The following RANBP17 variants were observed in gnomAD, a reference collection of about 807,000 sequenced individuals.
RANBP17 encodes the protein ran-binding protein 17.
A neutral mutation model predicts 141.2 loss-of-function variants in RANBP17; 158 were observed. That is an observed-to-expected ratio of 1.12 (90% confidence interval 0.98 to 1.28). The LOEUF is 1.28. Among genes scored for constraint, RANBP17 ranks in the 50% most tolerant of loss-of-function variants. The pLI, the probability that RANBP17 is intolerant of heterozygous loss-of-function variation, is 0.00. For synonymous variants in RANBP17, 430 were observed against 450.0 expected (o/e 0.96, Z 0.56); for missense variants, 1,438 against 1,290.7 (o/e 1.11, Z -1.75).
intron 14 of RANBP17, among the ~76,000 whole-genome samples, chr5:171,107,029 T>TTTGTTGTTG (rs5873254): frequency 2.0e-5 from 3 of 151,206 alleles, no homozygotes; most frequent in African/African-American, 4.9e-5. Flanking sequence ...CTTTTGTTTG[T>TTTGTTGTTG]TTGTTGTTGT....
At chr5:171,040,067 C>CA (rs577589000) in intron 14 of RANBP17, among the ~76,000 whole-genome samples, 8 of 151,256 alleles carry the variant, frequency 5.3e-5, no homozygotes, top group African/African-American at 1.9e-4. Flanking sequence ...AAGGACACGA[C>CA]AAAAAAAACT....
intron 14 of RANBP17, among the ~76,000 whole-genome samples, chr5:171,124,133 G>A (rs1032849556): frequency 1.3e-5 from 2 of 151,944 alleles, no homozygotes; most frequent in Non-Finnish European, 2.9e-5. Flanking sequence ...AACAATTCAT[G>A]ATCTCAATGA....
At chr5:171,098,539 C>T (rs901208264) in intron 14 of RANBP17, among the ~76,000 whole-genome samples, 1 of 151,862 alleles carries the variant, frequency 6.6e-6, no homozygotes, top group Non-Finnish European at 1.5e-5. Context: ...GGATATTAGC[C>T]CTTTGTCAGA....
chr5:171,258,118 TACACACAC>T lies in RANBP17; in HGVS notation c.2777-7528_2777-7521del, dbSNP rs34304503. ...CAAAACTCCATCTAAAAAAAAAAAA[TACACACAC>T]ACACACACACACACACACACACACA... On this transcript the variant is annotated intron_variant, in intron 24 of 27. Transcript: ENST00000523189. Among the ~76,000 whole-genome samples, 1,014 of 128,272 alleles carry T rather than the reference TACACACAC, an allele frequency of 7.9e-3. 11 individuals are homozygous for T. Among genetic ancestry groups the T allele is most frequent in the East Asian group, 0.023 (105 of 4,528 alleles). 84.2% of individuals were successfully genotyped at this position (128,272 alleles called of 152,430 possible).
At chr5:170,968,214 G>GT (rs762211654) in intron 13 of RANBP17, 28 bp from the exon 14 acceptor site, 12,058 of 1,302,816 alleles carry the variant, frequency 9.3e-3, no homozygotes, top group South Asian at 0.016. Context: ...TGTACTGAAG[G>GT]TTTTTTTTTT....
At chr5:171,258,987 C>T (rs1766108200) in intron 24 of RANBP17, among the ~76,000 whole-genome samples, 1 of 152,066 alleles carries the variant, frequency 6.6e-6, no homozygotes, top group African/African-American at 2.4e-5. Context: ...TAACAGGAGA[C>T]CAATATCCAG....
chr5:171,054,789 C>T (rs544191321), intron 14 of RANBP17, among the ~76,000 whole-genome samples: 2 of 152,138 alleles, frequency 1.3e-5, no homozygotes, highest in Non-Finnish European at 2.9e-5. Context: ...TTTCCCCCCT[C>T]CCTTTTACAA....
At chr5:171,013,083 G>T (rs1308256308) in intron 14 of RANBP17, among the ~76,000 whole-genome samples, 1 of 152,166 alleles carries the variant, frequency 6.6e-6, no homozygotes, top group Non-Finnish European at 1.5e-5. Flanking sequence ...GAGTGTATGT[G>T]TACGTTCAGC....
chr5:170,926,712 T>A (rs564420946), intron 12 of RANBP17, among the ~76,000 whole-genome samples: 4,392 of 123,528 alleles, frequency 0.036, 209 homozygotes, highest in African/African-American at 0.11. Flanking sequence ...ATTAAAAAAC[T>A]TAAAATGTGT....
intron 19 of RANBP17, among the ~76,000 whole-genome samples, chr5:171,204,314 A>G (rs1762456028): frequency 6.6e-6 from 1 of 152,202 alleles, no homozygotes; most frequent in African/African-American, 2.4e-5. Flanking sequence ...AATGGAGAAG[A>G]TGAGAAATTC....
intron 14 of RANBP17, among the ~76,000 whole-genome samples, chr5:171,110,085 A>T (rs1225787612): frequency 6.6e-6 from 1 of 151,840 alleles, no homozygotes; most frequent in African/African-American, 2.4e-5. Flanking sequence ...ATATTTTATC[A>T]TATAAAATTT....
intron 24 of RANBP17, among the ~76,000 whole-genome samples, chr5:171,259,612 A>T (rs1766147073): frequency 6.6e-6 from 1 of 152,236 alleles, no homozygotes; most frequent in Non-Finnish European, 1.5e-5. Context: ...CAGGCAAAGA[A>T]AGACAGATAC....
chr5:171,295,080 G>T (rs1018212058), intron 26 of RANBP17, among the ~76,000 whole-genome samples: 2 of 152,090 alleles, frequency 1.3e-5, no homozygotes, highest in Non-Finnish European at 1.5e-5. Context: ...TGTGTTTTTT[G>T]ATGTAAGCTG....
At chr5:171,178,901 C>T (rs538248112) in intron 16 of RANBP17, among the ~76,000 whole-genome samples, 5 of 151,870 alleles carry the variant, frequency 3.3e-5, no homozygotes, top group Non-Finnish European at 7.4e-5. Flanking sequence ...GTTTAAGTTC[C>T]TTGTAGATTC....
At chr5:171,112,851 TA>T (rs376681405) in intron 14 of RANBP17, among the ~76,000 whole-genome samples, 13 of 151,934 alleles carry the variant, frequency 8.6e-5, no homozygotes, top group African/African-American at 3.1e-4. Context: ...CAAAGCTCTA[TA>T]AAAAAATTTT....
rs931695791 is a variant in RANBP17 at position 170,914,203 on chromosome 5, A to G, written c.797A>G (p.Asn266Ser). 2 of 1,610,474 alleles carry G rather than the reference A, an allele frequency of 1.2e-6. No individual in the cohort carries two copies. Among genetic ancestry groups the G allele is most frequent in the African/African-American group, 1.3e-5 (1 of 74,938 alleles). Reference sequence around the variant, plus strand: ...CCAGAAACATTGGATCTTTTCTTCAATTTGTATCATTCACTTCCACCACTA... The same window carrying G: ...CCAGAAACATTGGATCTTTTCTTCAGTTTGTATCATTCACTTCCACCACTA... ...LEPETLDLFF[N>S]LYHSLPPLLS... The change falls in exon 8 of 28, where the codon AAT becomes AGT. Residue 266 changes from asparagine (N) to serine (S), a missense_variant. Physicochemically the swap from Asn to Ser is conservative, Grantham distance 46 (BLOSUM62 1). Coordinates refer to ENST00000523189, the MANE Select transcript of RANBP17 (RefSeq NM_022897.5).
intron 25 of RANBP17, among the ~76,000 whole-genome samples, chr5:171,274,913 G>A (rs1484128134): frequency 1.3e-5 from 2 of 152,130 alleles, no homozygotes; most frequent in Non-Finnish European, 2.9e-5. Context: ...AAACATGGGT[G>A]AAGAAAGAAA....
chr5:171,055,751 G>A (rs1442521700), intron 14 of RANBP17, among the ~76,000 whole-genome samples: 1 of 151,812 alleles, frequency 6.6e-6, no homozygotes, highest in Non-Finnish European at 1.5e-5. Context: ...TATAGACAAG[G>A]TATGAGGCCA....
At chr5:170,867,990 T>G (rs1013026048) in intron 1 of RANBP17, among the ~76,000 whole-genome samples, 2 of 152,088 alleles carry the variant, frequency 1.3e-5, no homozygotes, top group Non-Finnish European at 2.9e-5. Flanking sequence ...CAATATACAC[T>G]CTCCAGCATT....
Sources: gnomAD v4.1 joint callset for allele counts (sites outside exome capture counted in the v4.1 genomes callset) on GRCh38, gnomAD v4.1.1 for gene constraint, MANE v1.5 for transcripts, NCBI Gene and HGNC (gene_info 2026-07-23, HGNC 2026-07-21) for gene names.